The following SHC4 variants were observed in gnomAD, a reference collection of about 807,000 sequenced individuals.
The protein encoded by SHC4 is SHC-transforming protein 4.
In SHC4, 41 loss-of-function variants were observed where a neutral mutation model predicts 69.4. The observed-to-expected ratio is 0.59, with a 90% confidence interval of 0.46 to 0.77. SHC4 has a LOEUF of 0.77. SHC4 is among the 30% of genes least tolerant of loss of function. The probability of loss-of-function intolerance (pLI) is 0.00; values close to 1 mark genes in which losing one functional copy is unlikely to be tolerated. For synonymous variants in SHC4, 318 were observed against 299.3 expected (o/e 1.06, Z -0.64); for missense variants, 777 against 783.8 (o/e 0.99, Z 0.10).
chr15:48,940,013 G>T (rs1901145721), intron 1 of SHC4, among the ~76,000 whole-genome samples: 1 of 152,354 alleles, frequency 6.6e-6, no homozygotes, highest in South Asian at 2.1e-4. Context: ...CCATCATGGG[G>T]CAGCGGAAGG....
chr15:48,889,166 G>T (rs1900089942), intron 3 of SHC4, among the ~76,000 whole-genome samples: 1 of 152,186 alleles, frequency 6.6e-6, no homozygotes, highest in Non-Finnish European at 1.5e-5. Flanking sequence ...CTGGTAGCTG[G>T]AATCATCCAG....
chr15:48,858,453 A>G (rs1365342919), intron 6 of SHC4, among the ~76,000 whole-genome samples: 1 of 152,172 alleles, frequency 6.6e-6, no homozygotes, highest in Non-Finnish European at 1.5e-5. Flanking sequence ...TCATTACCAG[A>G]AGATATGAGA....
intron 3 of SHC4, among the ~76,000 whole-genome samples, chr15:48,890,547 G>A (rs574850636): frequency 6.6e-6 from 1 of 152,276 alleles, no homozygotes; most frequent in South Asian, 2.1e-4. Flanking sequence ...GCAGCTGGAG[G>A]TATCACCACG....
At chr15:48,859,642 A>T (rs1219814816) in intron 6 of SHC4, among the ~76,000 whole-genome samples, 1 of 152,154 alleles carries the variant, frequency 6.6e-6, no homozygotes, top group Non-Finnish European at 1.5e-5. Flanking sequence ...ATAAATAGTG[A>T]TTTCTCTGAA....
intron 4 of SHC4, among the ~76,000 whole-genome samples, chr15:48,881,482 T>C (rs941320089): frequency 6.6e-6 from 1 of 152,158 alleles, no homozygotes; most frequent in Non-Finnish European, 1.5e-5. Flanking sequence ...CACTTGACAT[T>C]TATCATTGGG....
At chr15:48,923,560 A>AAG (rs1491404386) in intron 2 of SHC4, among the ~76,000 whole-genome samples, 3 of 140,698 alleles carry the variant, frequency 2.1e-5, no homozygotes, top group African/African-American at 8.1e-5. Flanking sequence ...AAAAAAAAAA[A>AAG]CAAAAAAGAA....
At chr15:48,949,547 G>C (rs1005397316) in intron 1 of SHC4, among the ~76,000 whole-genome samples, 2 of 151,936 alleles carry the variant, frequency 1.3e-5, no homozygotes, top group East Asian at 1.9e-4. Flanking sequence ...CCACCTCAAG[G>C]CACTTTGTTT....
chr15:48,908,299 G>C (rs2141015317), intron 2 of SHC4, among the ~76,000 whole-genome samples: 1 of 152,302 alleles, frequency 6.6e-6, no homozygotes. Flanking sequence ...CTGATCATTA[G>C]TGATGTTGAG....
chr15:48,839,582 C>A (rs1321042862), intron 10 of SHC4, among the ~76,000 whole-genome samples: 5 of 152,204 alleles, frequency 3.3e-5, no homozygotes, highest in Non-Finnish European at 5.9e-5. Context: ...CTAGCCTGGC[C>A]AGATTTGGTC....
At chr15:48,836,117 G>A (rs753383198) in intron 10 of SHC4, among the ~76,000 whole-genome samples, 4 of 150,990 alleles carry the variant, frequency 2.6e-5, no homozygotes, top group Non-Finnish European at 4.4e-5. Context: ...CGCTTAAACC[G>A]GGGAGGCAGA....
At position 48,871,642 on chromosome 15, in the gene SHC4, T is replaced by C. The variant is rs115025238; in HGVS notation, c.894+447A>G. Among the ~76,000 whole-genome samples the C allele has an allele frequency of 4.3e-3, 660 of 152,332 alleles. 3 individuals carry two copies. The highest frequency in any genetic ancestry group is 0.015 in the African/African-American group (628 of 41,568). ...CCTCCATGAGTTCCTGCAAACCTGG[T>C]TGCTCATTCCAGATTAGACTTAGTT... is the stretch of plus-strand genomic sequence containing the variant. On this transcript the variant is annotated intron_variant, in intron 5 of 11. Coordinates refer to ENST00000332408, the MANE Select transcript of SHC4 (RefSeq NM_203349.4).
At chr15:48,886,257 A>AAT (rs138944535) in intron 3 of SHC4, among the ~76,000 whole-genome samples, 175 of 150,152 alleles carry the variant, frequency 1.2e-3, no homozygotes, top group South Asian at 5.0e-3. Context: ...ACTGTCTCAA[A>AAT]ATATATATAT....
intron 2 of SHC4, among the ~76,000 whole-genome samples, chr15:48,922,854 T>G (rs1365240273): frequency 1.8e-5 from 2 of 113,994 alleles, no homozygotes; most frequent in East Asian, 5.7e-4. Flanking sequence ...AAAGTAGGGC[T>G]AACAGTTTGG....
intron 3 of SHC4, among the ~76,000 whole-genome samples, chr15:48,888,253 T>C (rs1187799193): frequency 6.6e-6 from 1 of 152,172 alleles, no homozygotes; most frequent in Non-Finnish European, 1.5e-5. Context: ...AAAATGGGTA[T>C]ATACATACAA....
Position 48,942,148 on chromosome 15 carries a change from G to T in SHC4, c.586-17199C>A, listed in dbSNP as rs75091681. ...CACAGGGTCATCATGATCAGAGCTA[G>T]AACGAGGTGACCTGTTAGTCAGTAT... is the stretch of plus-strand genomic sequence containing the variant. On this transcript the variant is annotated intron_variant, in intron 1 of 11. Coordinates refer to ENST00000332408, the MANE Select transcript of SHC4 (RefSeq NM_203349.4). 6.1e-3 allele frequency among the ~76,000 whole-genome samples: 931 copies of T among 152,140 alleles called. 35 individuals carry two copies. The East Asian group carries it at 0.11, about 18-fold the overall frequency.
In SHC4 at chr15:48,825,885, A is replaced by G. The variant is rs1898678473; in HGVS notation, c.*86T>C. On this transcript the variant is annotated 3_prime_UTR_variant, in exon 12 of 12. Coordinates refer to ENST00000332408, the MANE Select transcript of SHC4 (RefSeq NM_203349.4). ...CACTTCACAGTTTGTGCTCTATTTT[A>G]TCTACAAACAAAGTTTAAATTATCT... 2.0e-6 allele frequency: 3 copies of G among 1,490,346 alleles called. No homozygotes were observed. Among genetic ancestry groups the G allele is most frequent in the African/African-American group, 1.4e-5 (1 of 71,542 alleles). 92.3% of individuals were successfully genotyped at this position (1,490,346 alleles called of 1,614,324 possible).
chr15:48,929,934 A>G (rs1900926306), intron 1 of SHC4, among the ~76,000 whole-genome samples: 1 of 152,194 alleles, frequency 6.6e-6, no homozygotes, highest in African/African-American at 2.4e-5. Flanking sequence ...CTGAGCTTCA[A>G]CCACTTGCTC....
intron 4 of SHC4, chr15:48,880,312 A>C (rs776618457): frequency 6.1e-6 from 1 of 164,904 alleles, no homozygotes; most frequent in Non-Finnish European, 1.5e-5. Flanking sequence ...TGGTGGAAGT[A>C]AAATGTTGGT....
At chr15:48,829,368 C>T (rs995673557) in intron 11 of SHC4, among the ~76,000 whole-genome samples, 3 of 152,036 alleles carry the variant, frequency 2.0e-5, no homozygotes, top group Non-Finnish European at 4.4e-5. Flanking sequence ...CTGTCTATTT[C>T]CCCCTTTAGT....
Sources: gnomAD v4.1 joint callset for allele counts (sites outside exome capture counted in the v4.1 genomes callset) on GRCh38, gnomAD v4.1.1 for gene constraint, MANE v1.5 for transcripts, NCBI Gene and HGNC (gene_info 2026-07-23, HGNC 2026-07-21) for gene names.